AEBP2: variants seen among roughly 807,000 people sequenced by gnomAD.
AEBP2 encodes the protein AE binding protein 2, also known as zinc finger protein AEBP2.
Under a neutral mutation model 50.8 loss-of-function variants are expected in AEBP2, and 10 were observed. That is an observed-to-expected ratio of 0.20 (90% CI 0.12 to 0.33). The LOEUF is 0.33. Among genes scored for constraint, AEBP2 ranks in the 10% least tolerant of loss-of-function variants. AEBP2 has a pLI of 1.00. For missense variants in AEBP2, 570 were observed against 688.0 expected (o/e 0.83, Z 1.92); for synonymous variants, 296 against 261.3 (o/e 1.13, Z -1.28).
chr12:19,511,114 G>T (rs1238352308), intron 5 of AEBP2, among the ~76,000 whole-genome samples: 2 of 152,032 alleles, frequency 1.3e-5, no homozygotes, highest in Non-Finnish European at 2.9e-5. Context: ...TGGTATTGCA[G>T]GCGTGAGCTA....
chr12:19,453,560 A>G (rs1194744485), intron 1 of AEBP2, among the ~76,000 whole-genome samples: 1 of 151,568 alleles, frequency 6.6e-6, no homozygotes, highest in African/African-American at 2.4e-5. Context: ...TGTAGCTGGG[A>G]TTACAGGCAC....
intron 3 of AEBP2, among the ~76,000 whole-genome samples, chr12:19,492,435 G>T (rs1263619819): frequency 6.6e-6 from 1 of 152,088 alleles, no homozygotes; most frequent in Non-Finnish European, 1.5e-5. Flanking sequence ...TCTTAACATT[G>T]CAAGTACAGA....
intron 7 of AEBP2, 37 bp from the exon 8 acceptor site, chr12:19,518,050 C>A: frequency 6.4e-7 from 1 of 1,568,568 alleles, no homozygotes; most frequent in South Asian, 1.2e-5. Context: ...GTGTTTGATT[C>A]AGTTGAATAA....
chr12:19,512,035 T>G (rs1949240155), intron 5 of AEBP2, among the ~76,000 whole-genome samples: 1 of 151,974 alleles, frequency 6.6e-6, no homozygotes, highest in Non-Finnish European at 1.5e-5. Context: ...GGTGAAAGTT[T>G]TTTTTTTTCT....
intron 1 of AEBP2, among the ~76,000 whole-genome samples, chr12:19,411,185 G>C (rs1035370988): frequency 1.3e-5 from 2 of 152,206 alleles, no homozygotes; most frequent in Non-Finnish European, 2.9e-5. Context: ...CAATTTGAGA[G>C]TGGATCTCCT....
chr12:19,509,816 C>CTTTTT (rs1565737482), intron 5 of AEBP2, among the ~76,000 whole-genome samples: 10 of 121,050 alleles, frequency 8.3e-5, no homozygotes, highest in African/African-American at 2.9e-4. Flanking sequence ...AACATGGCTA[C>CTTTTT]TTTCTTTTTT....
rs576673258 is a variant in AEBP2, at chr12:19,417,997, C to T, written c.-17+13781C>T. The stretch of plus-strand genomic sequence containing the variant: ...GATTACAGTCATGAGGCACTGCGCC[C>T]GGCCTAAGAATCTCTATTAACACAA... On this transcript the variant is annotated intron_variant, in intron 1 of 3. Coordinates refer to the AEBP2 transcript ENST00000538425. Among the ~76,000 whole-genome samples the T allele has an allele frequency of 1.6e-3, 236 of 152,226 alleles. 1 individual carries two copies. The highest frequency in any genetic ancestry group is 4.9e-3 in the African/African-American group (202 of 41,552).
At chr12:19,463,616 A>T (rs1948416205) in intron 2 of AEBP2, among the ~76,000 whole-genome samples, 2 of 150,308 alleles carry the variant, frequency 1.3e-5, no homozygotes, top group Admixed American at 1.3e-4. Flanking sequence ...TTTTTTAAAC[A>T]TCCAACCGGG....
intron 5 of AEBP2, among the ~76,000 whole-genome samples, chr12:19,511,007 T>A (rs372945878): frequency 2.6e-4 from 40 of 151,668 alleles, no homozygotes; most frequent in African/African-American, 9.7e-4. Flanking sequence ...ATAACCTGGC[T>A]AATTTTTTGT....
intron 3 of AEBP2, among the ~76,000 whole-genome samples, chr12:19,486,736 C>T (rs891086796): frequency 7.2e-5 from 11 of 152,088 alleles, no homozygotes; most frequent in Admixed American, 5.2e-4. Flanking sequence ...TACATGTCCT[C>T]TAATTACACA....
intron 1 of AEBP2, chr12:19,419,299 T>C (rs2095744319): frequency 6.6e-6 from 1 of 152,066 alleles, no homozygotes. Flanking sequence ...TGATAAGATA[T>C]GGAAAATAGG....
At chr12:19,515,051 T>G (rs1369180341) in intron 7 of AEBP2, among the ~76,000 whole-genome samples, 1 of 152,222 alleles carries the variant, frequency 6.6e-6, no homozygotes, top group African/African-American at 2.4e-5. Flanking sequence ...TACATAGTAA[T>G]TTGAAAATAA....
chr12:19,485,403 G>A (rs1380803434), intron 3 of AEBP2, among the ~76,000 whole-genome samples: 1 of 151,968 alleles, frequency 6.6e-6, no homozygotes, highest in Non-Finnish European at 1.5e-5. Flanking sequence ...ATATGGAAAC[G>A]AGGTAATGAG....
At chr12:19,441,333 C>T (rs1947955252) in intron 1 of AEBP2, among the ~76,000 whole-genome samples, 1 of 152,050 alleles carries the variant, frequency 6.6e-6, no homozygotes, top group African/African-American at 2.4e-5. Flanking sequence ...TACTTTTGAT[C>T]TGTTTGGGTT....
intron 1 of AEBP2, among the ~76,000 whole-genome samples, chr12:19,431,617 TAA>T (rs1565699366): frequency 6.6e-6 from 1 of 152,174 alleles, no homozygotes; most frequent in Non-Finnish European, 1.5e-5. Context: ...CCAAAGCAGT[TAA>T]GTTTCAAAAT....
intron 1 of AEBP2, among the ~76,000 whole-genome samples, chr12:19,451,967 C>G (rs1298085678): frequency 6.6e-6 from 1 of 152,170 alleles, no homozygotes; most frequent in Non-Finnish European, 1.5e-5. Context: ...TCTTGCTTCA[C>G]TGCACCTCTG....
At chr12:19,504,178 G>C (rs1949122299) in intron 5 of AEBP2, among the ~76,000 whole-genome samples, 1 of 151,452 alleles carries the variant, frequency 6.6e-6, no homozygotes, top group African/African-American at 2.4e-5. Context: ...GAATTTTTCA[G>C]ATAATGAAAC....
chr12:19,467,655 T>C (rs1345571400), intron 2 of AEBP2, among the ~76,000 whole-genome samples: 1 of 152,174 alleles, frequency 6.6e-6, no homozygotes, highest in Non-Finnish European at 1.5e-5. Flanking sequence ...ATCTTACTAA[T>C]CGAATTTCAA....
chr12:19,448,919 G>C (rs548924752), intron 1 of AEBP2, among the ~76,000 whole-genome samples: 3 of 151,998 alleles, frequency 2.0e-5, no homozygotes, highest in African/African-American at 4.8e-5. Context: ...AGCTCAAGCA[G>C]TCCTCCCACC....
Sources: allele counts gnomAD v4.1 joint callset (sites outside exome capture counted in the v4.1 genomes callset), GRCh38; gene constraint gnomAD v4.1.1; transcripts MANE v1.5; gene names NCBI Gene and HGNC (gene_info 2026-07-23, HGNC 2026-07-21).